The following FAM135B variants were observed in gnomAD, a reference collection of about 807,000 sequenced individuals.
The protein encoded by FAM135B is protein FAM135B.
FAM135B carries 43 observed loss-of-function variants against 127.7 expected under a neutral mutation model. That is an observed-to-expected ratio of 0.34 (90% CI 0.26 to 0.43). FAM135B has a LOEUF of 0.43. Among genes scored for constraint, FAM135B ranks in the 20% least tolerant of loss-of-function variants. The pLI, the probability that FAM135B is intolerant of heterozygous loss-of-function variation, is 1.00. For missense variants in FAM135B, 1,558 were observed against 1,725.6 expected (o/e 0.90, Z 1.72); for synonymous variants, 670 against 665.1 (o/e 1.01, Z -0.11).
intron 6 of FAM135B, among the ~76,000 whole-genome samples, chr8:138,244,685 A>G (rs1252900784): frequency 6.6e-6 from 1 of 152,254 alleles, no homozygotes; most frequent in Non-Finnish European, 1.5e-5. Flanking sequence ...ACATTCCAGA[A>G]GAAAAGTATA....
chr8:138,369,706 T>A (rs1425777299), intron 1 of FAM135B, among the ~76,000 whole-genome samples: 1 of 152,004 alleles, frequency 6.6e-6, no homozygotes, highest in African/African-American at 2.4e-5. Flanking sequence ...TCAATTTTAA[T>A]CCCAAGTCAT....
chr8:138,191,287 G>A (rs958548250), intron 9 of FAM135B, among the ~76,000 whole-genome samples: 28 of 152,318 alleles, frequency 1.8e-4, no homozygotes, highest in African/African-American at 6.7e-4. Context: ...AGTCTGGGCA[G>A]AAGCCTTCAC....
chr8:138,233,813 TCAA>T (rs55943030), intron 7 of FAM135B, among the ~76,000 whole-genome samples: 73 of 151,788 alleles, frequency 4.8e-4, no homozygotes, highest in Non-Finnish European at 9.4e-4. Flanking sequence ...CTCCTACAAT[TCAA>T]CAACAACAAC....
intron 11 of FAM135B, among the ~76,000 whole-genome samples, chr8:138,175,353 C>T (rs1814354346): frequency 6.7e-6 from 1 of 149,930 alleles, no homozygotes; most frequent in Non-Finnish European, 1.5e-5. Flanking sequence ...GTTTCCATAT[C>T]AGAATCTTTA....
At chr8:138,359,734 G>A (rs1427236047) in intron 2 of FAM135B, among the ~76,000 whole-genome samples, 2 of 152,184 alleles carry the variant, frequency 1.3e-5, no homozygotes, top group Non-Finnish European at 2.9e-5. Context: ...GTATTTCTGA[G>A]TCTATTAAGG....
At chr8:138,189,108 AGAGAG>A (rs1392460065) in intron 9 of FAM135B, among the ~76,000 whole-genome samples, 1 of 152,182 alleles carries the variant, frequency 6.6e-6, no homozygotes, top group Non-Finnish European at 1.5e-5. Flanking sequence ...ATACCAACAG[AGAGAG>A]GAGAAGAGGA....
chr8:138,237,973 G>A (rs1395094772), intron 7 of FAM135B, among the ~76,000 whole-genome samples: 1 of 152,340 alleles, frequency 6.6e-6, no homozygotes, highest in African/African-American at 2.4e-5. Context: ...GGACCAGGCA[G>A]TGTCAGGGAT....
rs376645967 is a variant in FAM135B, at chr8:138,132,553, C to T, written c.*40G>A. Reference sequence around the variant, plus strand: ...GCAGGTCTCAGCTAAAGCTCTCCACCGATCGTAAGCATTACCAAAGACCTG... The same window carrying T: ...GCAGGTCTCAGCTAAAGCTCTCCACTGATCGTAAGCATTACCAAAGACCTG... On this transcript the variant is annotated 3_prime_UTR_variant, in exon 20 of 20. Transcript: ENST00000395297. This position sits in a 1 kb window ranked among gnomAD's most constrained non-coding sequence, Gnocchi z 4.5. The T allele has an allele frequency of 6.1e-5, 94 of 1,538,986 alleles. No homozygotes were observed. The highest frequency in any genetic ancestry group is 2.3e-4 in the Admixed American group (14 of 59,692).
intron 1 of FAM135B, among the ~76,000 whole-genome samples, chr8:138,494,135 C>T (rs1391390929): frequency 6.6e-6 from 1 of 152,178 alleles, no homozygotes; most frequent in Non-Finnish European, 1.5e-5. Context: ...TTCTGTTCTC[C>T]TTCACTTTGC....
chr8:138,375,520 G>A (rs914751330), intron 1 of FAM135B, among the ~76,000 whole-genome samples: 1 of 152,034 alleles, frequency 6.6e-6, no homozygotes, highest in Non-Finnish European at 1.5e-5. Flanking sequence ...GTAAAACAAC[G>A]AATAAATCTT....
intron 6 of FAM135B, among the ~76,000 whole-genome samples, chr8:138,244,301 G>A (rs955032731): frequency 2.6e-5 from 4 of 152,086 alleles, no homozygotes; most frequent in Non-Finnish European, 5.9e-5. Context: ...TGCAAACGAG[G>A]TGAAAAGAAT....
intron 2 of FAM135B, among the ~76,000 whole-genome samples, chr8:138,357,889 C>T (rs1449430949): frequency 1.3e-5 from 2 of 152,068 alleles, no homozygotes; most frequent in African/African-American, 4.8e-5. Flanking sequence ...TGTGATTTAT[C>T]CTATTGAAGC....
chr8:138,430,159 G>C (rs1835114386), intron 1 of FAM135B, among the ~76,000 whole-genome samples: 1 of 152,054 alleles, frequency 6.6e-6, no homozygotes, highest in Non-Finnish European at 1.5e-5. Context: ...TGATCCTTCA[G>C]GAAGCTTACT....
chr8:138,478,456 G>A (rs924634985), intron 1 of FAM135B, among the ~76,000 whole-genome samples: 2 of 152,068 alleles, frequency 1.3e-5, no homozygotes, highest in Admixed American at 6.5e-5. Flanking sequence ...AACTTCCAGA[G>A]AGCACCCTAT....
intron 3 of FAM135B, among the ~76,000 whole-genome samples, chr8:138,292,835 C>G (rs758898103): frequency 2.4e-4 from 36 of 151,942 alleles, no homozygotes; most frequent in Non-Finnish European, 4.6e-4. Flanking sequence ...CTGCCCAGAG[C>G]AATCTACAGA....
intron 7 of FAM135B, among the ~76,000 whole-genome samples, chr8:138,229,136 T>C (rs1254541550): frequency 6.6e-6 from 1 of 152,150 alleles, no homozygotes; most frequent in Non-Finnish European, 1.5e-5. Context: ...TCTGGCTGTC[T>C]TCATTACTAA....
intron 1 of FAM135B, among the ~76,000 whole-genome samples, chr8:138,456,003 G>C (rs931882708): frequency 6.6e-6 from 1 of 152,164 alleles, no homozygotes; most frequent in Non-Finnish European, 1.5e-5. Flanking sequence ...TCTCAAATGG[G>C]AAAAATAAAT....
chr8:138,370,576 G>A (rs993674284), intron 1 of FAM135B, among the ~76,000 whole-genome samples: 3 of 151,896 alleles, frequency 2.0e-5, no homozygotes, highest in Non-Finnish European at 2.9e-5. Flanking sequence ...TCAGCCTCCC[G>A]AGTAGCTGGG....
Position 138,152,249 on chromosome 8 carries a change from G to T in FAM135B, c.2226C>A (p.Gly742=), listed in dbSNP as rs779744466. The T allele has an allele frequency of 6.2e-7, 1 of 1,614,132 alleles. No homozygotes were observed. Among genetic ancestry groups the T allele is most frequent in the Non-Finnish European group, 8.5e-7 (1 of 1,180,038 alleles). ...TAATGGAGGTGAGAGAAGCCTGGAT[G>T]CCGCTTGGCAAACTTGTGTTACTTT... ...HTESNTSLPS[G]IQASLTSISS... is the part of the protein sequence containing the mutation. The change falls in exon 13 of 20, where the codon GGC becomes GGA. Residue 742 remains glycine (G), a synonymous_variant. Transcript: ENST00000395297.
Sources: allele counts gnomAD v4.1 joint callset (sites outside exome capture counted in the v4.1 genomes callset), GRCh38; gene constraint gnomAD v4.1.1; non-coding constraint Gnocchi (gnomAD v3.1); transcripts MANE v1.5; gene names NCBI Gene and HGNC (gene_info 2026-07-23, HGNC 2026-07-21).